FUT9: variants seen among roughly 807,000 people sequenced by gnomAD.
The protein encoded by FUT9 is 4-galactosyl-N-acetylglucosaminide 3-alpha-L-fucosyltransferase 9.
In FUT9, 15 loss-of-function variants were observed where a neutral mutation model predicts 29.7. That is an observed-to-expected ratio of 0.51 (90% confidence interval 0.34 to 0.78). The LOEUF (loss-of-function observed/expected upper bound fraction) is 0.78, where lower values mean the gene tolerates loss of function less well. Among genes scored for constraint, FUT9 ranks in the 30% least tolerant of loss-of-function variants. FUT9 has a pLI of 0.01. For synonymous variants in FUT9, 169 were observed against 153.7 expected, an observed-to-expected ratio of 1.10 and a Z score of -0.74; for missense variants, 319 against 425.4, an observed-to-expected ratio of 0.75 and a Z score of 2.20.
At chr6:96,178,470 A>G (rs1266464222) in intron 2 of FUT9, among the ~76,000 whole-genome samples, 1 of 152,184 alleles carries the variant, frequency 6.6e-6, no homozygotes. Flanking sequence ...ATCAAACTAT[A>G]TAATAAGGCT....
chr6:96,079,307 G>C (rs1771196834), intron 1 of FUT9, among the ~76,000 whole-genome samples: 1 of 152,062 alleles, frequency 6.6e-6, no homozygotes, highest in South Asian at 2.1e-4. Context: ...CAGCTATATT[G>C]ACTAGTTTCT....
chr6:96,018,413 G>A (rs1286909536), intron 1 of FUT9, among the ~76,000 whole-genome samples: 2 of 152,054 alleles, frequency 1.3e-5, no homozygotes, highest in Non-Finnish European at 2.9e-5. Flanking sequence ...CAAATAACTA[G>A]TCTGCCAAAA....
intron 2 of FUT9, among the ~76,000 whole-genome samples, chr6:96,184,657 T>C (rs1216589085): frequency 2.0e-5 from 3 of 152,120 alleles, no homozygotes; most frequent in Non-Finnish European, 4.4e-5. Flanking sequence ...TGTGTCACTA[T>C]TGTCGTTCAG....
chr6:96,057,258 A>G (rs1770787697), intron 1 of FUT9, among the ~76,000 whole-genome samples: 1 of 152,228 alleles, frequency 6.6e-6, no homozygotes, highest in South Asian at 2.1e-4. Context: ...TTTTACTATC[A>G]ACCTTTTATT....
intron 2 of FUT9, among the ~76,000 whole-genome samples, chr6:96,160,523 A>G (rs773484880): frequency 2.2e-4 from 33 of 152,208 alleles, no homozygotes; most frequent in Admixed American, 4.6e-4. Flanking sequence ...ACGCTTTTTA[A>G]AAAGTAAGTG....
At position 96,206,155 on chromosome 6, in the gene FUT9, A is replaced by C. The variant is rs187971323; in HGVS notation, c.*1920A>C. 6.0e-6 allele frequency: 1 copy of C among 167,184 alleles called. No homozygotes were observed. The highest frequency in any genetic ancestry group is 1.5e-5 in the Non-Finnish European group (1 of 68,116). 10.4% of individuals were successfully genotyped at this position (167,184 alleles called of 1,614,324 possible). ...GGGTCAATGCTGATTTAATGGGGAA[A>C]AAAAGTAGAAAATTTCCCCAATTGC... On this transcript the variant is annotated 3_prime_UTR_variant, in exon 3 of 3. Coordinates refer to ENST00000302103, the MANE Select transcript of FUT9 (RefSeq NM_006581.4).
intron 2 of FUT9, among the ~76,000 whole-genome samples, chr6:96,164,253 C>CTTTTTTTTT (rs57049980): frequency 9.5e-6 from 1 of 105,784 alleles, no homozygotes; most frequent in Non-Finnish European, 1.8e-5. Context: ...GATCCAGGTT[C>CTTTTTTTTT]TTTTTTTTTT....
chr6:96,066,766 A>C (rs915652980), intron 1 of FUT9, among the ~76,000 whole-genome samples: 1 of 152,066 alleles, frequency 6.6e-6, no homozygotes, highest in African/African-American at 2.4e-5. Flanking sequence ...TACTTGGGAA[A>C]GGCATTACTT....
intron 2 of FUT9, among the ~76,000 whole-genome samples, chr6:96,177,400 C>T (rs896395184): frequency 6.6e-6 from 1 of 151,762 alleles, no homozygotes; most frequent in African/African-American, 2.4e-5. Context: ...GTTAAATTTC[C>T]CCTACAACAG....
intron 1 of FUT9, among the ~76,000 whole-genome samples, chr6:96,108,209 G>A (rs985319671): frequency 3.3e-5 from 5 of 151,922 alleles, no homozygotes; most frequent in African/African-American, 1.2e-4. Flanking sequence ...TGGACTGTGA[G>A]GGGAAAATTT....
chr6:96,045,819 TG>T (rs1770553184), intron 1 of FUT9, among the ~76,000 whole-genome samples: 1 of 152,246 alleles, frequency 6.6e-6, no homozygotes, highest in East Asian at 1.9e-4. Flanking sequence ...TTTCGTAGTT[TG>T]CCCATTCCTG....
chr6:96,165,777 G>C (rs1773005028), intron 2 of FUT9, among the ~76,000 whole-genome samples: 1 of 151,970 alleles, frequency 6.6e-6, no homozygotes, highest in Non-Finnish European at 1.5e-5. Flanking sequence ...CACCATGCCT[G>C]GTTAATTTTT....
At chr6:96,084,738 A>G (rs938349445) in intron 1 of FUT9, among the ~76,000 whole-genome samples, 2 of 152,108 alleles carry the variant, frequency 1.3e-5, no homozygotes, top group African/African-American at 4.8e-5. Flanking sequence ...TTGGATACTG[A>G]TAGTTGCATT....
chr6:96,163,349 T>G (rs1430455089), intron 2 of FUT9, among the ~76,000 whole-genome samples: 1 of 150,526 alleles, frequency 6.6e-6, no homozygotes, highest in East Asian at 2.0e-4. Context: ...AAATATGGCC[T>G]GAGAAGGACT....
chr6:96,084,319 T>G (rs1434248302), intron 1 of FUT9, among the ~76,000 whole-genome samples: 7 of 152,130 alleles, frequency 4.6e-5, no homozygotes, highest in Non-Finnish European at 8.8e-5. Context: ...GCACTTTTTA[T>G]AAGTGTTATG....
intron 2 of FUT9, among the ~76,000 whole-genome samples, chr6:96,121,465 A>G (rs1772026146): frequency 6.6e-6 from 1 of 152,174 alleles, no homozygotes; most frequent in Non-Finnish European, 1.5e-5. Context: ...CCCTAGGAAA[A>G]ACACTGTGGA....
At chr6:96,035,585 A>G (rs1257432464) in intron 1 of FUT9, among the ~76,000 whole-genome samples, 19 of 146,712 alleles carry the variant, frequency 1.3e-4, no homozygotes, top group African/African-American at 4.7e-4. Flanking sequence ...TTTACCCAGG[A>G]GAACTTCAAA....
At chr6:96,201,423 T>C (rs180774332) in intron 2 of FUT9, among the ~76,000 whole-genome samples, 1 of 152,158 alleles carries the variant, frequency 6.6e-6, no homozygotes, top group Non-Finnish European at 1.5e-5. Flanking sequence ...TTTTCAAATA[T>C]TGTGACATTA....
chr6:96,070,011 C>T (rs1328275153), intron 1 of FUT9, among the ~76,000 whole-genome samples: 1 of 152,008 alleles, frequency 6.6e-6, no homozygotes, highest in African/African-American at 2.4e-5. Flanking sequence ...ATATAATGGG[C>T]ACAATTCATG....
Sources: allele counts gnomAD v4.1 joint callset (sites outside exome capture counted in the v4.1 genomes callset), GRCh38; gene constraint gnomAD v4.1.1; transcripts MANE v1.5; gene names NCBI Gene and HGNC (gene_info 2026-07-23, HGNC 2026-07-21).